Variants in DRC8 observed in about 807,000 individuals in gnomAD.
DRC8 encodes the protein dynein regulatory complex subunit 8, also known as dynein regulatory complex protein 8.
the DRC8 span, among the ~76,000 whole-genome samples, chr1:244,979,486 T>C: frequency 6.6e-6 from 1 of 151,874 alleles, no homozygotes; most frequent in Non-Finnish European, 1.5e-5. Flanking sequence ...TTTTATATTT[T>C]TAGTAGACGG....
the DRC8 span, chr1:245,044,063 A>G: frequency 6.6e-6 from 1 of 152,246 alleles, no homozygotes; most frequent in Non-Finnish European, 1.5e-5. Flanking sequence ...TGCAAAATAA[A>G]TGCTTTTATT....
the DRC8 span, among the ~76,000 whole-genome samples, chr1:245,031,377 C>A: frequency 6.6e-6 from 1 of 151,854 alleles, no homozygotes; most frequent in African/African-American, 2.4e-5. Context: ...CTAGTTTTTA[C>A]CAATGAAATG....
the DRC8 span, among the ~76,000 whole-genome samples, chr1:245,058,779 G>A: frequency 2.0e-5 from 3 of 152,290 alleles, no homozygotes; most frequent in African/African-American, 4.8e-5. Context: ...TTATTGAGTC[G>A]CTGCTCTGCC....
the DRC8 span, chr1:244,970,636 G>T: frequency 3.5e-5 from 12 of 346,252 alleles, no homozygotes; most frequent in Non-Finnish European, 4.6e-5. Flanking sequence ...CCGGCCCGCC[G>T]CTCCGCCCCG....
the DRC8 span, among the ~76,000 whole-genome samples, chr1:244,979,292 CTTTTTTTTTTTTTTTTTTTTT>C: frequency 1.8e-4 from 9 of 51,370 alleles, 2 homozygotes; most frequent in Admixed American, 2.9e-3. Flanking sequence ...CGAAGCTTAT[CTTTTTTTTTTTTTTTTTTTTT>C]TTTTTTTTTG....
chr1:245,021,392 A>G, the DRC8 span, among the ~76,000 whole-genome samples: 1 of 151,872 alleles, frequency 6.6e-6, no homozygotes, highest in Non-Finnish European at 1.5e-5. Flanking sequence ...AAAGCTAAGA[A>G]CAGTATTAGC....
At chr1:244,971,052 C>T in the DRC8 span, 4 of 156,652 alleles carry the variant, frequency 2.6e-5, no homozygotes, top group Admixed American at 2.0e-4. Flanking sequence ...CTGGCGCAGC[C>T]TGATGGCGTT....
At chr1:245,033,581 A>G in the DRC8 span, among the ~76,000 whole-genome samples, 1 of 152,182 alleles carries the variant, frequency 6.6e-6, no homozygotes. Flanking sequence ...TCCTTCTTCA[A>G]CGTGCAATTT....
At chr1:245,004,145 G>A in the DRC8 span, among the ~76,000 whole-genome samples, 2 of 152,130 alleles carry the variant, frequency 1.3e-5, no homozygotes, top group Admixed American at 6.5e-5. Context: ...AAACTCCTGG[G>A]CTTAAGTGAT....
chr1:245,055,480 C>T, the DRC8 span, among the ~76,000 whole-genome samples: 15 of 151,984 alleles, frequency 9.9e-5, no homozygotes, highest in East Asian at 3.9e-4. Flanking sequence ...CCACCACACT[C>T]GACTAATTTT....
At chr1:244,983,365 C>CA in the DRC8 span, among the ~76,000 whole-genome samples, 7 of 152,020 alleles carry the variant, frequency 4.6e-5, no homozygotes, top group Non-Finnish European at 8.8e-5. Context: ...TTTTTCATGT[C>CA]ACAAGTATTT....
the DRC8 span, among the ~76,000 whole-genome samples, chr1:245,046,006 A>G: frequency 6.6e-6 from 1 of 152,290 alleles, no homozygotes; most frequent in East Asian, 1.9e-4. Context: ...AAATAGCCTT[A>G]GGATCCCTGC....
the DRC8 span, among the ~76,000 whole-genome samples, chr1:245,067,260 G>T: frequency 6.6e-6 from 1 of 152,218 alleles, no homozygotes; most frequent in South Asian, 2.1e-4. Flanking sequence ...CTGAGTAGCT[G>T]GGATTACAGG....
the DRC8 span, among the ~76,000 whole-genome samples, chr1:245,093,273 A>T: frequency 6.6e-6 from 1 of 152,348 alleles, no homozygotes; most frequent in Non-Finnish European, 1.5e-5. Flanking sequence ...AGGAGGCCTT[A>T]AGAGGTTTCT....
chr1:245,041,661 A>G, the DRC8 span, among the ~76,000 whole-genome samples: 1 of 152,166 alleles, frequency 6.6e-6, no homozygotes, highest in Non-Finnish European at 1.5e-5. Context: ...AGTTGGAGAT[A>G]AGGTCTTTAA....
the DRC8 span, among the ~76,000 whole-genome samples, chr1:245,035,750 C>T: frequency 7.9e-5 from 12 of 151,698 alleles, no homozygotes; most frequent in African/African-American, 2.7e-4. Context: ...ACCTGTAATC[C>T]CAGCTACTTG....
the DRC8 span, among the ~76,000 whole-genome samples, chr1:245,081,131 AT>A: frequency 6.7e-6 from 1 of 148,552 alleles, no homozygotes; most frequent in Admixed American, 6.7e-5. Context: ...TTATTTTATT[AT>A]TTTATTTATT....
At chr1:245,023,449 T>C in the DRC8 span, among the ~76,000 whole-genome samples, 780 of 152,350 alleles carry the variant, frequency 5.1e-3, 4 homozygotes, top group African/African-American at 0.017. Context: ...GAGGAACCAC[T>C]GTACTGTTTT....
chr1:245,108,787 GAGATGATTCCAGCCCTC>G, the DRC8 span, among the ~76,000 whole-genome samples: 1 of 152,092 alleles, frequency 6.6e-6, no homozygotes, highest in South Asian at 2.1e-4. Context: ...CCTATAATAC[GAGATGATTCCAGCCCTC>G]ATCCCCTCCT....
Sources: gnomAD v4.1 joint callset for allele counts (sites outside exome capture counted in the v4.1 genomes callset) on GRCh38, gnomAD v4.1.1 for gene constraint, MANE v1.5 for transcripts, NCBI Gene and HGNC (gene_info 2026-07-23, HGNC 2026-07-21) for gene names.